Variants in RP1 observed in about 807,000 individuals in gnomAD.
The protein encoded by RP1 is RP1 axonemal microtubule associated.
RP1 carries 16 observed loss-of-function variants against 14.8 expected under a neutral mutation model. That is an observed-to-expected ratio of 1.08 (90% CI 0.73 to 1.65). RP1 has a LOEUF of 1.65. Ranked by LOEUF, RP1 falls within the 40% of genes most tolerant of loss-of-function variation. The probability of loss-of-function intolerance (pLI) is 0.00; values close to 1 mark genes in which losing one functional copy is unlikely to be tolerated. For synonymous variants in RP1, 876 were observed against 883.6 expected (o/e 0.99, Z 0.15); for missense variants, 2,631 against 2,535.0 (o/e 1.04, Z -0.81).
chr8:54,632,925 C>G (rs2129319696), downstream of RP1, among the ~76,000 whole-genome samples: 1 of 152,178 alleles, frequency 6.6e-6, no homozygotes, highest in Admixed American at 6.5e-5. Flanking sequence ...GCCTCCCTTA[C>G]TCAGGGGAAG....
At position 54,583,954 on chromosome 8, in the gene RP1, C is replaced by A. The variant is rs921441592; in HGVS notation, c.-13+24634C>A. Among the ~76,000 whole-genome samples the A allele has an allele frequency of 2.2e-4, 34 of 152,228 alleles. No individual in the cohort carries two copies. In the East Asian group the frequency reaches 6.0e-3, roughly 27 times the overall value. ...TGTTGATCTTTTCAAAAAACCAGCT[C>A]CTGGATTCATTGATTTTTTGAAGGG... On this transcript the variant is annotated intron_variant, in intron 1 of 22. Transcript: ENST00000636932.
At chr8:54,569,561 C>T (rs1384051059) in intron 1 of RP1, among the ~76,000 whole-genome samples, 1 of 152,164 alleles carries the variant, frequency 6.6e-6, no homozygotes, top group African/African-American at 2.4e-5. Flanking sequence ...GAGTCTGCCA[C>T]CCAAATGAAA....
At chr8:54,833,470 A>G (rs1398750821) in intron 24 of RP1, among the ~76,000 whole-genome samples, 1 of 152,004 alleles carries the variant, frequency 6.6e-6, no homozygotes, top group Non-Finnish European at 1.5e-5. Flanking sequence ...TCTAGAATAA[A>G]AGTGGAAACT....
rs1007019164 is a variant in RP1, at chr8:54,857,034, AT to A, written c.4003del (p.Ser1335ProfsTer10). The A allele has an allele frequency of 8.6e-7, 1 of 1,162,182 alleles. No individual in the cohort carries two copies. Among genetic ancestry groups the A allele is most frequent in the Non-Finnish European group, 1.1e-6 (1 of 925,832 alleles). 72.0% of individuals were successfully genotyped at this position (1,162,182 alleles called of 1,614,324 possible). ...TTATTTCTTTATTGTACAGGTTGAT[AT>A]TTTTTCCATTAAGGCTGTATCTCTC... On this transcript the variant is annotated frameshift_variant, in exon 27 of 29. Transcript: ENST00000637698. LOFTEE classifies it high-confidence loss of function.
rs140853034 is a variant in RP1, at chr8:54,853,257, G to A, written c.3990+529G>A. Among the ~76,000 whole-genome samples the A allele has an allele frequency of 3.3e-4, 51 of 152,290 alleles. 1 individual carries two copies. Among genetic ancestry groups the A allele is most frequent in the African/African-American group, 1.1e-3 (46 of 41,564 alleles). On this transcript the variant is annotated intron_variant, in intron 26 of 28. Transcript: ENST00000637698. ...TGGGATTTCTCACTTGAAAAGTGGC[G>A]ATAGTGTGAGTCCTCTTGAAGCAGA...
chr8:54,802,811 T>G (rs1285487226), intron 24 of RP1, among the ~76,000 whole-genome samples: 1 of 152,154 alleles, frequency 6.6e-6, no homozygotes, highest in Non-Finnish European at 1.5e-5. Flanking sequence ...GCAGGATAGA[T>G]GCAAAAAGCT....
At chr8:54,684,031 A>G (rs2129336768) in intron 12 of RP1, among the ~76,000 whole-genome samples, 1 of 146,430 alleles carries the variant, frequency 6.8e-6, no homozygotes, top group Non-Finnish European at 1.5e-5. Context: ...AGGGATGTTG[A>G]ATTTTACCAA....
rs76511715 is a variant in RP1 at position 54,609,473 on chromosome 8, C to T, written c.-12-11482C>T. 8.6e-5 allele frequency among the ~76,000 whole-genome samples: 13 copies of T among 152,008 alleles called. No homozygotes were observed. In the East Asian group the frequency reaches 2.1e-3, roughly 25 times the overall value. On this transcript the variant is annotated intron_variant, in intron 1 of 22. Transcript: ENST00000636932. ...TGTCTTAAACAAACCAAAAGAAAAC[C>T]GAAACCAAAACAAAACACAACAACA...
intron 15 of RP1, among the ~76,000 whole-genome samples, chr8:54,711,507 T>C (rs1197061213): frequency 6.6e-6 from 1 of 152,190 alleles, no homozygotes; most frequent in Non-Finnish European, 1.5e-5. Context: ...TATAACCAGA[T>C]CAGCAAGACA....
intron 15 of RP1, among the ~76,000 whole-genome samples, chr8:54,708,985 C>T (rs1201007631): frequency 2.0e-5 from 3 of 152,134 alleles, no homozygotes; most frequent in Non-Finnish European, 2.9e-5. Context: ...CACAAAGAAA[C>T]TATTGGCATG....
rs1806580168 is a variant in RP1, at chr8:54,647,892, G to A, written c.788-1093G>A. Among the ~76,000 whole-genome samples, 4 of 151,956 alleles carry A rather than the reference G, an allele frequency of 2.6e-5. No individual in the cohort carries two copies. In the South Asian group the frequency reaches 8.3e-4, roughly 32 times the overall value. ...TATAGATCAGCTTTCTGATTGACATGGTTTGGCTCTGTGTCCTTACCCAAA... is the reference window on the plus strand; with the variant it reads ...TATAGATCAGCTTTCTGATTGACATAGTTTGGCTCTGTGTCCTTACCCAAA... On this transcript the variant is annotated intron_variant, in intron 3 of 22. Coordinates refer to the RP1 transcript ENST00000636932.
intron 3 of RP1, among the ~76,000 whole-genome samples, chr8:54,622,800 C>A (rs1025636718): frequency 6.6e-6 from 1 of 152,182 alleles, no homozygotes; most frequent in South Asian, 2.1e-4. Flanking sequence ...GCAACCAATT[C>A]ATGCTGGTTA....
At chr8:54,825,004 C>T (rs189541272) in intron 24 of RP1, among the ~76,000 whole-genome samples, 8 of 149,806 alleles carry the variant, frequency 5.3e-5, no homozygotes, top group African/African-American at 1.8e-4. Context: ...CTCGCTCTGT[C>T]GCCCAGGCTA....
At chr8:54,666,814 G>T (rs1807028508) in intron 7 of RP1, among the ~76,000 whole-genome samples, 1 of 152,018 alleles carries the variant, frequency 6.6e-6, no homozygotes, top group Non-Finnish European at 1.5e-5. Context: ...CTAGTTCTCT[G>T]TGGTCCCAGG....
intron 28 of RP1, among the ~76,000 whole-genome samples, chr8:54,866,346 T>C (rs1449415446): frequency 6.6e-6 from 1 of 152,162 alleles, no homozygotes; most frequent in Non-Finnish European, 1.5e-5. Flanking sequence ...GTTATATATG[T>C]GAACTGTGAA....
intron 1 of RP1, among the ~76,000 whole-genome samples, chr8:54,600,957 T>G (rs1305402257): frequency 2.0e-5 from 3 of 152,170 alleles, no homozygotes; most frequent in Non-Finnish European, 4.4e-5. Context: ...CCTGTCTTCT[T>G]GTCTGTGTCT....
intron 15 of RP1, among the ~76,000 whole-genome samples, chr8:54,710,343 G>C (rs1409550268): frequency 6.6e-6 from 1 of 152,220 alleles, no homozygotes; most frequent in Non-Finnish European, 1.5e-5. Context: ...AGCAAACTCT[G>C]TGCAGGCCCC....
intron 24 of RP1, among the ~76,000 whole-genome samples, chr8:54,829,913 T>G (rs909162730): frequency 1.3e-4 from 20 of 152,168 alleles, no homozygotes; most frequent in African/African-American, 4.8e-4. Context: ...CATAAACCAG[T>G]ATAAATTTCT....
chr8:54,809,471 A>G, intron 24 of RP1, among the ~76,000 whole-genome samples: 1 of 152,198 alleles, frequency 6.6e-6, no homozygotes, highest in East Asian at 1.9e-4. Context: ...TTATGTATTA[A>G]TAAAAGTTAG....
Sources: allele counts gnomAD v4.1 joint callset (sites outside exome capture counted in the v4.1 genomes callset), GRCh38; gene constraint gnomAD v4.1.1; transcripts MANE v1.5; gene names NCBI Gene and HGNC (gene_info 2026-07-23, HGNC 2026-07-21).